Variants in MYO16 observed in about 807,000 individuals in gnomAD.
MYO16 encodes unconventional myosin-XVI.
In MYO16, 94 loss-of-function variants were observed where a neutral mutation model predicts 205.3. That is an observed-to-expected ratio of 0.46 (90% CI 0.39 to 0.54). MYO16 has a LOEUF of 0.54. MYO16 is among the 20% of genes least tolerant of loss of function. The probability of loss-of-function intolerance (pLI) is 0.00; values close to 1 mark genes in which losing one functional copy is unlikely to be tolerated. For synonymous variants in MYO16, 988 were observed against 954.0 expected (o/e 1.04, Z -0.66); for missense variants, 2,315 against 2,387.5 (o/e 0.97, Z 0.63).
the MYO16 span, among the ~76,000 whole-genome samples, chr13:108,518,446 AT>A: frequency 6.6e-6 from 1 of 152,148 alleles, no homozygotes; most frequent in African/African-American, 2.4e-5. Flanking sequence ...TTAGTTGATG[AT>A]TTTTTAGGGT....
intron 9 of MYO16, among the ~76,000 whole-genome samples, chr13:108,837,732 T>C (rs1175984821): frequency 6.6e-6 from 1 of 152,188 alleles, no homozygotes; most frequent in African/African-American, 2.4e-5. Flanking sequence ...TTTTTCCAAC[T>C]ATAGCTCTCA....
At position 108,806,755 on chromosome 13, in the gene MYO16, T is replaced by C; in HGVS notation, c.818T>C (p.Val273Ala). ...GAACATGGTGGAGACCTCAACATAG[T>C]AGATGATCAGTACTGGACTCCCCTC... ...ILEHGGDLNI[V>A]DDQYWTPLHL... The change falls in exon 7 of 35, where the codon GTA becomes GCA. Residue 273 changes from valine (V) to alanine (A), a missense_variant. Physicochemically the swap from Val to Ala is moderately conservative, Grantham distance 64. Around this residue, in one of 3 missense-constraint regions of MYO16, gnomAD observed 1,213 missense variants for 1,274.4 expected, o/e 0.95. Transcript: ENST00000457511. 6.2e-7 allele frequency: 1 copy of C among 1,613,014 alleles called. No homozygotes were observed. The highest frequency in any genetic ancestry group is 1.7e-5 in the Admixed American group (1 of 60,014).
At chr13:109,020,597 T>A (rs1885987774) in intron 23 of MYO16, among the ~76,000 whole-genome samples, 1 of 152,234 alleles carries the variant, frequency 6.6e-6, no homozygotes, top group Admixed American at 6.5e-5. Context: ...GCTTGATATA[T>A]CTTCCTTGTC....
intron 34 of MYO16, among the ~76,000 whole-genome samples, chr13:109,184,812 G>T (rs983114074): frequency 6.7e-6 from 1 of 149,546 alleles, no homozygotes; most frequent in African/African-American, 2.5e-5. Context: ...TCTGTTGCCC[G>T]GGCTGGAGTG....
intron 15 of MYO16, 71 bp downstream of exon 15, chr13:108,898,204 G>C: frequency 8.7e-7 from 1 of 1,144,794 alleles, no homozygotes; most frequent in Non-Finnish European, 1.3e-6. Flanking sequence ...ACACAGGCAC[G>C]CTATGGACAC....
At chr13:108,704,497 T>C (rs1040991661) in intron 2 of MYO16, among the ~76,000 whole-genome samples, 7 of 152,116 alleles carry the variant, frequency 4.6e-5, no homozygotes, top group Admixed American at 1.3e-4. Context: ...ACTTAAAATA[T>C]AATAAAAATA....
At chr13:108,684,912 G>A (rs1882612374) in intron 2 of MYO16, among the ~76,000 whole-genome samples, 1 of 152,018 alleles carries the variant, frequency 6.6e-6, no homozygotes, top group Non-Finnish European at 1.5e-5. Context: ...ATCACTCTGT[G>A]TTTTAGTACC....
intron 16 of MYO16, among the ~76,000 whole-genome samples, chr13:108,948,473 C>T (rs1883018690): frequency 6.6e-6 from 1 of 152,230 alleles, no homozygotes; most frequent in South Asian, 2.1e-4. Context: ...CACAAGTAGG[C>T]ACACAAGGAT....
chr13:108,657,091 C>T (rs1224330774), intron 1 of MYO16, among the ~76,000 whole-genome samples: 1 of 152,214 alleles, frequency 6.6e-6, no homozygotes, highest in Non-Finnish European at 1.5e-5. Flanking sequence ...TAATGAACCA[C>T]ATAATTTCAT....
At chr13:108,554,870 A>AAAAG in the MYO16 span, among the ~76,000 whole-genome samples, 1 of 150,524 alleles carries the variant, frequency 6.6e-6, no homozygotes, top group African/African-American at 2.5e-5. Context: ...AAAAAAAAAA[A>AAAAG]AAAGAAAGAA....
intron 4 of MYO16, among the ~76,000 whole-genome samples, chr13:108,732,187 C>G (rs1884545170): frequency 6.6e-6 from 1 of 152,140 alleles, no homozygotes; most frequent in African/African-American, 2.4e-5. Context: ...TTTTCCAGAG[C>G]TTGATGATGG....
intron 21 of MYO16, among the ~76,000 whole-genome samples, chr13:108,998,343 T>G (rs1566452970): frequency 6.6e-6 from 1 of 152,186 alleles, no homozygotes; most frequent in Non-Finnish European, 1.5e-5. Context: ...TCAATAAACA[T>G]ATATTGTATA....
intron 19 of MYO16, among the ~76,000 whole-genome samples, chr13:108,964,002 C>G (rs1174183626): frequency 1.3e-5 from 2 of 152,160 alleles, no homozygotes; most frequent in Non-Finnish European, 2.9e-5. Flanking sequence ...CCTTCCTCAC[C>G]CGTGCTTCTA....
chr13:108,922,174 G>A (rs1259096393), intron 16 of MYO16, among the ~76,000 whole-genome samples: 1 of 152,124 alleles, frequency 6.6e-6, no homozygotes, highest in Non-Finnish European at 1.5e-5. Flanking sequence ...GAGGAATTAC[G>A]AATTTAAATG....
At chr13:109,070,772 T>C (rs1382719338) in intron 27 of MYO16, among the ~76,000 whole-genome samples, 1 of 152,228 alleles carries the variant, frequency 6.6e-6, no homozygotes, top group Non-Finnish European at 1.5e-5. Context: ...TGAAATGCTT[T>C]GTTAACTGAC....
intron 14 of MYO16, among the ~76,000 whole-genome samples, chr13:108,893,629 A>G (rs558347208): frequency 6.6e-6 from 1 of 152,176 alleles, no homozygotes; most frequent in Non-Finnish European, 1.5e-5. Flanking sequence ...AGATGAAAGG[A>G]AAGTTCACTA....
chr13:108,664,270 A>G (rs567492202), intron 1 of MYO16, among the ~76,000 whole-genome samples: 3 of 152,340 alleles, frequency 2.0e-5, no homozygotes, highest in Admixed American at 6.5e-5. Context: ...TTTTCTTCCT[A>G]CATCCTATGT....
In MYO16 at chr13:109,194,218, C is replaced by A. The variant is rs146150362; in HGVS notation, c.5416-12391C>A. Among the ~76,000 whole-genome samples, 522 of 152,232 alleles carry A rather than the reference C, an allele frequency of 3.4e-3. 1 individual carries two copies. The highest frequency in any genetic ancestry group is 4.6e-3 in the Non-Finnish European group (314 of 67,998). ...TGCATCTGGCTTAGTCCTATAGAAC[C>A]CACCACAGTTCCTTGCATTTTCATA... On this transcript the variant is annotated intron_variant, in intron 34 of 34. Coordinates refer to ENST00000457511, the MANE Select transcript of MYO16 (RefSeq NM_001198950.3).
At chr13:108,932,207 CAT>C (rs1307221221) in intron 16 of MYO16, among the ~76,000 whole-genome samples, 2 of 152,020 alleles carry the variant, frequency 1.3e-5, no homozygotes, top group Non-Finnish European at 2.9e-5. Context: ...GTTCTTTTCT[CAT>C]ATTTCTAGTT....
Sources: gnomAD v4.1 joint callset for allele counts (sites outside exome capture counted in the v4.1 genomes callset) on GRCh38, gnomAD v4.1.1 for gene constraint, gnomAD v4.1.1 regional missense constraint, MANE v1.5 for transcripts, NCBI Gene and HGNC (gene_info 2026-07-23, HGNC 2026-07-21) for gene names.